Variants in NTM observed in about 807,000 individuals in gnomAD.
The protein encoded by NTM is IgLON family member 2.
A neutral mutation model predicts 42.1 loss-of-function variants in NTM; 13 were observed. That is an observed-to-expected ratio of 0.31 (90% confidence interval 0.20 to 0.49). NTM has a LOEUF of 0.49. Among genes scored for constraint, NTM ranks in the 20% least tolerant of loss-of-function variants. NTM has a pLI of 0.99. For synonymous variants in NTM, 187 were observed against 179.2 expected (o/e 1.04, Z -0.35); for missense variants, 373 against 452.8 (o/e 0.82, Z 1.60).
intron 2 of NTM, among the ~76,000 whole-genome samples, chr11:131,983,039 T>A: frequency 6.7e-6 from 1 of 148,592 alleles, no homozygotes; most frequent in East Asian, 1.9e-4. Context: ...CCTTAGCTAC[T>A]CAAAGGAAAA....
At chr11:131,975,282 G>A (rs566121897) in intron 2 of NTM, among the ~76,000 whole-genome samples, 6 of 152,208 alleles carry the variant, frequency 3.9e-5, no homozygotes, top group East Asian at 1.9e-4. Flanking sequence ...CCGGGTTCAA[G>A]CAATTCTTCT....
At chr11:131,776,058 C>T (rs1249735805) in intron 1 of NTM, among the ~76,000 whole-genome samples, 1 of 152,144 alleles carries the variant, frequency 6.6e-6, no homozygotes, top group East Asian at 1.9e-4. Context: ...ATATCTCTGG[C>T]CCCTGTGTCT....
intron 4 of NTM, among the ~76,000 whole-genome samples, chr11:132,227,284 A>G (rs1208997422): frequency 2.0e-5 from 3 of 152,212 alleles, no homozygotes; most frequent in Non-Finnish European, 4.4e-5. Flanking sequence ...GTCCAGGGAG[A>G]TGAGGATTAA....
chr11:131,757,694 ATTAT>A, intron 1 of NTM, among the ~76,000 whole-genome samples: 1 of 152,186 alleles, frequency 6.6e-6, no homozygotes, highest in Non-Finnish European at 1.5e-5. Flanking sequence ...TCAGATGGTT[ATTAT>A]TATTATGTTT....
rs140362937 is a variant in NTM at position 132,194,384 on chromosome 11, A to G, written c.401-17638A>G. On this transcript the variant is annotated intron_variant, in intron 3 of 8. Coordinates refer to ENST00000683400, the MANE Select transcript of NTM (RefSeq NM_001352005.2). Reference sequence around the variant, plus strand: ...CAAAATAACATGATCGTCTCAATAAATGCTGAAAAGGCTCTCAATAAAATT... The same window carrying G: ...CAAAATAACATGATCGTCTCAATAAGTGCTGAAAAGGCTCTCAATAAAATT... Among the ~76,000 whole-genome samples the G allele has an allele frequency of 4.1e-3, 618 of 152,304 alleles. 1 individual carries two copies. The highest frequency in any genetic ancestry group is 6.5e-3 in the Non-Finnish European group (445 of 68,024).
At chr11:131,391,644 GAAAA>G (rs5795723) in intron 1 of NTM, among the ~76,000 whole-genome samples, 14 of 81,560 alleles carry the variant, frequency 1.7e-4, no homozygotes, top group Non-Finnish European at 3.1e-4. Context: ...TTTTATCTGG[GAAAA>G]AAAAAAAAAA....
intron 1 of NTM, among the ~76,000 whole-genome samples, chr11:131,480,452 C>T (rs1320209824): frequency 1.3e-5 from 2 of 152,166 alleles, no homozygotes; most frequent in African/African-American, 2.4e-5. Flanking sequence ...ACCTTGACTT[C>T]CTCCCTCTGA....
intron 1 of NTM, among the ~76,000 whole-genome samples, chr11:131,408,185 G>A (rs1946015774): frequency 6.6e-6 from 1 of 152,122 alleles, no homozygotes; most frequent in East Asian, 1.9e-4. Context: ...GATTGCTCTG[G>A]TCCAGGAATG....
intron 2 of NTM, among the ~76,000 whole-genome samples, chr11:131,957,194 C>G (rs2061645169): frequency 6.6e-6 from 1 of 152,136 alleles, no homozygotes; most frequent in African/African-American, 2.4e-5. Flanking sequence ...TCTTACTTCA[C>G]AAAATTGTCC....
chr11:131,919,378 G>A (rs2056896258), intron 2 of NTM, among the ~76,000 whole-genome samples: 1 of 152,126 alleles, frequency 6.6e-6, no homozygotes, highest in African/African-American at 2.4e-5. Context: ...ATATTTTTAG[G>A]AAACCAAGGA....
chr11:131,960,110 C>T (rs143326486), intron 2 of NTM, among the ~76,000 whole-genome samples: 1 of 152,272 alleles, frequency 6.6e-6, no homozygotes, highest in East Asian at 1.9e-4. Context: ...TTGAGGTTCT[C>T]TGTGAGCACC....
At chr11:132,105,627 G>A (rs2062269780) in intron 2 of NTM, among the ~76,000 whole-genome samples, 1 of 152,134 alleles carries the variant, frequency 6.6e-6, no homozygotes, top group Non-Finnish European at 1.5e-5. Context: ...GGGTCAGTAT[G>A]AGACTTAGGC....
intron 1 of NTM, among the ~76,000 whole-genome samples, chr11:131,771,936 A>AT (rs1354372557): frequency 6.6e-6 from 1 of 152,024 alleles, no homozygotes; most frequent in Non-Finnish European, 1.5e-5. Flanking sequence ...AATTCCCAGG[A>AT]TTTTTTCCCC....
At chr11:131,589,460 C>T (rs1336520010) in intron 1 of NTM, among the ~76,000 whole-genome samples, 7 of 152,176 alleles carry the variant, frequency 4.6e-5, no homozygotes, top group Non-Finnish European at 8.8e-5. Context: ...CATTCTCCAT[C>T]CAGAAACTGC....
At chr11:131,394,944 C>A (rs1010267865) in intron 1 of NTM, among the ~76,000 whole-genome samples, 2 of 152,324 alleles carry the variant, frequency 1.3e-5, no homozygotes, top group Admixed American at 1.3e-4. Flanking sequence ...CCTCATGGTG[C>A]TTGCAGTCTA....
chr11:131,386,465 G>T (rs980037177), intron 1 of NTM, among the ~76,000 whole-genome samples: 20 of 152,356 alleles, frequency 1.3e-4, no homozygotes, highest in Non-Finnish European at 2.8e-4. Flanking sequence ...TTTATTTCAT[G>T]CGTATTTTAC....
At chr11:132,050,784 G>A (rs1242082825) in intron 2 of NTM, among the ~76,000 whole-genome samples, 2 of 152,216 alleles carry the variant, frequency 1.3e-5, no homozygotes, top group Non-Finnish European at 2.9e-5. Flanking sequence ...TGTGTCGAGA[G>A]CAGAGGCAGA....
At chr11:132,206,794 AC>A (rs1170040705) in intron 3 of NTM, among the ~76,000 whole-genome samples, 3 of 151,900 alleles carry the variant, frequency 2.0e-5, no homozygotes, top group Non-Finnish European at 4.4e-5. Flanking sequence ...CCTAAAATAA[AC>A]TCCAATTTGA....
At chr11:131,553,895 C>G (rs944157818) in intron 1 of NTM, among the ~76,000 whole-genome samples, 1 of 152,190 alleles carries the variant, frequency 6.6e-6, no homozygotes, top group East Asian at 1.9e-4. Flanking sequence ...TATTTTCACT[C>G]TCATTTCCCG....
Sources: allele counts gnomAD v4.1 joint callset (sites outside exome capture counted in the v4.1 genomes callset), GRCh38; gene constraint gnomAD v4.1.1; transcripts MANE v1.5; gene names NCBI Gene and HGNC (gene_info 2026-07-23, HGNC 2026-07-21).